CDCA7: variants seen among roughly 807,000 people sequenced by gnomAD.
CDCA7 encodes the protein cell division cycle-associated protein 7.
CDCA7 carries 28 observed loss-of-function variants against 54.0 expected under a neutral mutation model. That is an observed-to-expected ratio of 0.52 (90% CI 0.38 to 0.71). The LOEUF (loss-of-function observed/expected upper bound fraction) is 0.71, where lower values mean the gene tolerates loss of function less well. Among genes scored for constraint, CDCA7 ranks in the 30% least tolerant of loss-of-function variants. The pLI is 0.00. For synonymous variants in CDCA7, 180 were observed against 208.2 expected (o/e 0.86, Z 1.16); for missense variants, 484 against 586.0 (o/e 0.83, Z 1.80).
Position 173,358,795 on chromosome 2 carries a change from T to C in CDCA7, c.105T>C (p.Asp35=), listed in dbSNP as rs1686563386. 1.2e-6 allele frequency: 2 copies of C among 1,613,870 alleles called. No individual in the cohort carries two copies. The highest frequency in any genetic ancestry group is 8.5e-7 in the Non-Finnish European group (1 of 1,179,912). Residue 35 remains aspartate, a synonymous_variant, in exon 2 of 10, where the codon GAT becomes GAC. Transcript: ENST00000306721. ...CCATGGAAACCTCGTCATCCTCTGA[T>C]GACAGTTGTGACAGCTTTGCTTCTG... is the stretch of plus-strand genomic sequence containing the variant. ...LISMETSSSS[D]DSCDSFASDN... is the part of the protein sequence containing the mutation.
chr2:173,359,627 G>A (rs10168943), intron 3 of CDCA7, 136 bp downstream of exon 3: 592,426 of 692,380 alleles, frequency 0.86, 254,121 homozygotes, highest in East Asian at 0.96. Flanking sequence ...AATTTTTAGT[G>A]TTTTCTTCAT....
chr2:173,367,826 C>A lies in CDCA7; in HGVS notation c.*162C>A. On this transcript the variant is annotated 3_prime_UTR_variant, in exon 10 of 10. Transcript: ENST00000306721. ...GCAGACATGTGTTTCTGGAGCATCA[C>A]AGAAGGTATATTGCTAGTTACACTT... The A allele has an allele frequency of 1.3e-6, 1 of 788,628 alleles. No individual in the cohort carries two copies. Among genetic ancestry groups the A allele is most frequent in the Non-Finnish European group, 2.1e-6 (1 of 467,606 alleles). 48.9% of individuals were successfully genotyped at this position (788,628 alleles called of 1,614,324 possible).
chr2:173,361,902 C>T (rs913026601), intron 3 of CDCA7, among the ~76,000 whole-genome samples: 9 of 152,040 alleles, frequency 5.9e-5, no homozygotes, highest in African/African-American at 1.7e-4. Context: ...CTGCAACCTC[C>T]GCTTCCTGGG....
In CDCA7 at chr2:173,367,827, A is replaced by G. The variant is rs1384603975; in HGVS notation, c.*163A>G. 4 of 783,880 alleles carry G rather than the reference A, an allele frequency of 5.1e-6. No individual in the cohort carries two copies. The highest frequency in any genetic ancestry group is 8.6e-6 in the Non-Finnish European group (4 of 463,810). 48.6% of individuals were successfully genotyped at this position (783,880 alleles called of 1,614,324 possible). On this transcript the variant is annotated 3_prime_UTR_variant, in exon 10 of 10. Transcript: ENST00000306721. Reference sequence around the variant, plus strand: ...CAGACATGTGTTTCTGGAGCATCACAGAAGGTATATTGCTAGTTACACTTT... The same window carrying G: ...CAGACATGTGTTTCTGGAGCATCACGGAAGGTATATTGCTAGTTACACTTT...
intron 3 of CDCA7, among the ~76,000 whole-genome samples, chr2:173,361,538 G>A (rs555315638): frequency 3.1e-4 from 45 of 147,174 alleles, no homozygotes; most frequent in Admixed American, 2.7e-3. Context: ...CACAACCTCC[G>A]CCTCCTGGGT....
At chr2:173,362,588 T>TA (rs1686641885) in intron 3 of CDCA7, among the ~76,000 whole-genome samples, 1 of 151,548 alleles carries the variant, frequency 6.6e-6, no homozygotes, top group African/African-American at 2.4e-5. Context: ...CTTTTTTTTT[T>TA]TTTCAAGACA....
chr2:173,367,115 T>TA lies in CDCA7; in HGVS notation c.1186-33dup, dbSNP rs761125619. On this transcript the variant is annotated intron_variant, in intron 8 of 9. Coordinates refer to ENST00000306721, the MANE Select transcript of CDCA7 (RefSeq NM_031942.5). ...ATAAGTTGGTGGGGGAGGTAAGGTTTAACTTAATTGTGCCGTTTGACAATC... is the reference window on the plus strand; with the variant it reads ...ATAAGTTGGTGGGGGAGGTAAGGTTTAAACTTAATTGTGCCGTTTGACAATC... 1.6e-5 allele frequency: 24 copies of TA among 1,545,094 alleles called. 1 individual carries two copies. Among genetic ancestry groups the TA allele is most frequent in the Non-Finnish European group, 1.7e-5 (20 of 1,150,424 alleles).
At chr2:173,357,032 A>G (rs1034026804) in intron 1 of CDCA7, among the ~76,000 whole-genome samples, 4 of 152,238 alleles carry the variant, frequency 2.6e-5, no homozygotes, top group Admixed American at 1.3e-4. Context: ...GACATCTTAC[A>G]TCTTAGCATA....
At chr2:173,364,654 G>A in intron 5 of CDCA7, 141 bp from the exon 6 acceptor site, 41 of 1,247,796 alleles carry the variant, frequency 3.3e-5, no homozygotes, top group Middle Eastern at 2.9e-4. Context: ...ATTTTGCCAT[G>A]CATTATGCAA....
At chr2:173,359,214 GAA>G (rs747882390) in intron 2 of CDCA7, 39 bp from the exon 3 acceptor site, 6 of 1,550,974 alleles carry the variant, frequency 3.9e-6, no homozygotes, top group African/African-American at 1.4e-5. Flanking sequence ...TCTTGAAAAA[GAA>G]AAAAAATGCA....
At chr2:173,356,953 CTT>C in intron 1 of CDCA7, among the ~76,000 whole-genome samples, 1 of 152,294 alleles carries the variant, frequency 6.6e-6, no homozygotes, top group South Asian at 2.1e-4. Context: ...ATGAAAATAA[CTT>C]TATCTGCAAG....
At chr2:173,363,611 A>C in intron 4 of CDCA7, 149 bp downstream of exon 4, 1 of 936,398 alleles carries the variant, frequency 1.1e-6, no homozygotes, top group Non-Finnish European at 1.6e-6. Flanking sequence ...TGTGTGCCTC[A>C]AAATGTGTTT....
Position 173,366,457 on chromosome 2 carries a change from C to G in CDCA7, c.1185+25C>G. ...GGTAGGTGCCTGCCAGGGGTTGGTC[C>G]TGTGGGCTTGAAGGTCAGCCACAAA... On this transcript the variant is annotated intron_variant, in intron 8 of 9. Coordinates refer to ENST00000306721, the MANE Select transcript of CDCA7 (RefSeq NM_031942.5). The surrounding 1 kb of genome is among the most constrained non-coding windows in gnomAD (Gnocchi z 4.5). 1 of 1,610,802 alleles carries G rather than the reference C, an allele frequency of 6.2e-7. No homozygotes were observed. Among genetic ancestry groups the G allele is most frequent in the East Asian group, 2.2e-5 (1 of 44,776 alleles).
rs1686659563 is a variant in CDCA7 at position 173,363,335 on chromosome 2, A to C, written c.494A>C (p.Asn165Thr). 1.2e-6 allele frequency: 2 copies of C among 1,614,050 alleles called. No individual in the cohort carries two copies. The highest frequency in any genetic ancestry group is 3.3e-5 in the Admixed American group (2 of 59,994). ...FPARSTRGAT[N>T]KKAESRQPSE... ...GCGCGGAGTACCAGGGGAGCAACCA[A>C]CAAAAAAGCAGAGTCCCGCCAGCCC... is the stretch of plus-strand genomic sequence containing the variant. Residue 165 changes from asparagine to threonine, a missense_variant, in exon 4 of 10, where the codon AAC (asparagine) becomes ACC (threonine). Asn to Thr is a moderately conservative substitution (Grantham distance 65). Coordinates refer to ENST00000306721, the MANE Select transcript of CDCA7 (RefSeq NM_031942.5).
chr2:173,364,694 T>TC (rs1484597168), intron 5 of CDCA7, 101 bp from the exon 6 acceptor site: 9 of 1,486,934 alleles, frequency 6.1e-6, no homozygotes, highest in Non-Finnish European at 8.0e-6. Context: ...AATAGAGCTC[T>TC]CTTTACTTAA....
chr2:173,361,314 A>C (rs913640249), intron 3 of CDCA7, among the ~76,000 whole-genome samples: 2 of 152,208 alleles, frequency 1.3e-5, no homozygotes, highest in African/African-American at 4.8e-5. Context: ...TAGGAATAGA[A>C]TTGTGGGTCA....
Position 173,363,442 on chromosome 2 carries a change from A to G in CDCA7, c.601A>G (p.Ile201Val). ...MNFLEKRALN[I>V]KQNKAMLAKL... ...TTTTTTGGAGAAAAGGGCTTTAAAT[A>G]TAAAGCAAAACAAAGCAATGGTAGG... Residue 201 changes from isoleucine (I) to valine (V), a missense_variant, in exon 4 of 10, where the codon ATA becomes GTA. This residue lies in a region of CDCA7 where 398 missense variants were observed against 447.4 expected (regional missense o/e 0.89). Transcript: ENST00000306721. The G allele has an allele frequency of 6.2e-7, 1 of 1,613,908 alleles. No homozygotes were observed. The highest frequency in any genetic ancestry group is 1.3e-5 in the African/African-American group (1 of 75,062).
intron 9 of CDCA7, 151 bp from the exon 10 acceptor site, chr2:173,367,483 A>G: frequency 6.3e-6 from 8 of 1,269,878 alleles, no homozygotes. Flanking sequence ...GTGTGTATGA[A>G]AAAGTCAGGT....
Position 173,359,407 on chromosome 2 carries a change from T to C in CDCA7, c.300T>C (p.Thr100=). Residue 100 remains threonine, a synonymous_variant, in exon 3 of 10, where the codon ACT becomes ACC. Coordinates refer to ENST00000306721, the MANE Select transcript of CDCA7 (RefSeq NM_031942.5). The stretch of plus-strand genomic sequence containing the variant: ...TACAGAAACCAAGGCCAGATGTCAC[T>C]AACGAACTGGCCGGTATTTTTCATG... The part of the protein sequence containing the change: ...GFLQKPRPDV[T]NELAGIFHAD... 6.2e-7 allele frequency: 1 copy of C among 1,614,188 alleles called. No homozygotes were observed. Among genetic ancestry groups the C allele is most frequent in the Non-Finnish European group, 8.5e-7 (1 of 1,180,044 alleles).
Sources: gnomAD v4.1 joint callset for allele counts (sites outside exome capture counted in the v4.1 genomes callset) on GRCh38, gnomAD v4.1.1 for gene constraint, gnomAD v4.1.1 regional missense constraint, Gnocchi (gnomAD v3.1) non-coding constraint, MANE v1.5 for transcripts, NCBI Gene and HGNC (gene_info 2026-07-23, HGNC 2026-07-21) for gene names.